The following OR4D10 variants were observed in gnomAD, a reference collection of about 807,000 sequenced individuals.
The protein encoded by OR4D10 is olfactory receptor 4D10.
For synonymous variants in OR4D10, 188 were observed against 153.2 expected (o/e 1.23, Z -1.68); for missense variants, 395 against 378.0 (o/e 1.04, Z -0.37).
intron 2 of OR4D10, among the ~76,000 whole-genome samples, chr11:59,475,104 A>G (rs1389707045): frequency 6.6e-6 from 1 of 151,476 alleles, no homozygotes; most frequent in African/African-American, 2.4e-5. Context: ...ATCAAAGGAC[A>G]TTGTCCCACC....
chr11:59,476,588 C>T (rs1367701506), intron 2 of OR4D10, among the ~76,000 whole-genome samples: 1 of 152,036 alleles, frequency 6.6e-6, no homozygotes, highest in Admixed American at 6.5e-5. Flanking sequence ...CCCTATGTTG[C>T]CTCACTCAAT....
chr11:59,477,002 T>C (rs1464894865), intron 2 of OR4D10, among the ~76,000 whole-genome samples: 1 of 152,092 alleles, frequency 6.6e-6, no homozygotes, highest in Non-Finnish European at 1.5e-5. Context: ...CACTTCTGTC[T>C]TTTGAGAAAG....
At chr11:59,474,518 G>A (rs948305890) in intron 2 of OR4D10, among the ~76,000 whole-genome samples, 3 of 152,148 alleles carry the variant, frequency 2.0e-5, no homozygotes, top group African/African-American at 7.2e-5. Context: ...TATAAACATA[G>A]GCATTATTCG....
chr11:59,475,286 A>T (rs7124468), intron 2 of OR4D10, among the ~76,000 whole-genome samples: 123,754 of 151,940 alleles, frequency 0.81, 52,619 homozygotes, highest in Middle Eastern at 0.95. Flanking sequence ...TCCATTCCAC[A>T]CTTCCTCCCT....
In OR4D10 at chr11:59,477,471, C is replaced by T. The variant is rs137857607; in HGVS notation, c.42C>T (p.Phe14=). 3.1e-3 allele frequency: 5,014 copies of T among 1,601,830 alleles called. 22 individuals are homozygous for T. Among genetic ancestry groups the T allele is most frequent in the Middle Eastern group, 0.017 (105 of 6,002 alleles). Residue 14 remains phenylalanine (F), a synonymous_variant, in exon 3 of 3, where the codon TTC becomes TTT. Transcript: ENST00000530162. ...ENCTRVKEFI[F]LGLTQNREVS... ...GCACCAGGGTAAAAGAATTTATTTT[C>T]CTTGGCCTGACCCAGAATCGGGAAG...
rs771979917 is a variant in OR4D10, at chr11:59,475,060, C to CAA, written c.-169+1282_-169+1283dup. 1.1e-3 allele frequency among the ~76,000 whole-genome samples: 74 copies of CAA among 66,782 alleles called. 2 individuals are homozygous for CAA. The highest frequency in any genetic ancestry group is 3.7e-3 in the African/African-American group (63 of 16,906). 43.8% of individuals were successfully genotyped at this position (66,782 alleles called of 152,430 possible). ...TGGGTGACAGAGTGAGACTCTGTCTCAAAAAAAAAAAAAAAAGGAAAAAGA... is the reference window on the plus strand; with the variant it reads ...TGGGTGACAGAGTGAGACTCTGTCTCAAAAAAAAAAAAAAAAAAGGAAAAAGA... On this transcript the variant is annotated intron_variant, in intron 2 of 2. Transcript: ENST00000530162.
rs1858938306 is a variant in OR4D10, at chr11:59,478,728, A to G, written c.*363A>G. The G allele has an allele frequency of 6.2e-6, 1 of 161,386 alleles. No individual in the cohort carries two copies. The highest frequency in any genetic ancestry group is 1.9e-4 in the South Asian group (1 of 5,226). The allele number at this position is 161,386 out of a possible 1,614,324, so 10.0% of individuals were successfully genotyped here. On this transcript the variant is annotated 3_prime_UTR_variant, in exon 3 of 3. Transcript: ENST00000530162. ...ATAAAATTATATATATACCTAGCAA[A>G]TGCATATTATATATAGTAAATCTTC...
Position 59,478,016 on chromosome 11 carries a change from A to T in OR4D10, c.587A>T (p.Glu196Val). The T allele has an allele frequency of 1.9e-6, 3 of 1,614,062 alleles. No individual in the cohort carries two copies. Among genetic ancestry groups the T allele is most frequent in the Non-Finnish European group, 2.5e-6 (3 of 1,180,012 alleles). ...GCCCATACAGACATTTTCATACTTG[A>T]ACTACTAATGATTTCCAACAATGGA... ...KLAHTDIFIL[E>V]LLMISNNGLL... Residue 196 changes from glutamate (E) to valine (V), a missense_variant, in exon 3 of 3, where the codon GAA (glutamate) becomes GTA (valine). By Grantham distance (121) the Glu-to-Val change is moderately radical. Coordinates refer to ENST00000530162, the MANE Select transcript of OR4D10 (RefSeq NM_001004705.2).
In OR4D10 at chr11:59,477,262, A is replaced by C; in HGVS notation, c.-168A>C. 1 of 501,152 alleles carries C rather than the reference A, an allele frequency of 2.0e-6. No individual in the cohort carries two copies. The highest frequency in any genetic ancestry group is 3.5e-6 in the Non-Finnish European group (1 of 287,618). 31.0% of individuals were successfully genotyped at this position (501,152 alleles called of 1,614,324 possible). On this transcript the variant is annotated splice_region_variant and 5_prime_UTR_variant, in exon 3 of 3. Transcript: ENST00000530162. Reference sequence around the variant, plus strand: ...TATGATAATTTGATTTTATCACCAGACTAACTGAAATCTGAAAAACGTGAA... The same window carrying C: ...TATGATAATTTGATTTTATCACCAGCCTAACTGAAATCTGAAAAACGTGAA...
chr11:59,477,332 G>A lies in OR4D10; in HGVS notation c.-98G>A. On this transcript the variant is annotated 5_prime_UTR_variant, in exon 3 of 3. Coordinates refer to ENST00000530162, the MANE Select transcript of OR4D10 (RefSeq NM_001004705.2). ...AACTACAACCGCATGGGAAGTTTCT[G>A]CACTGCATTCTAGGTGTTTAGGAAG... 1.2e-6 allele frequency: 1 copy of A among 857,622 alleles called. No homozygotes were observed. Among genetic ancestry groups the A allele is most frequent in the Non-Finnish European group, 1.7e-6 (1 of 571,856 alleles). The allele number at this position is 857,622 out of a possible 1,614,324, so 53.1% of individuals were successfully genotyped here.
Position 59,478,180 on chromosome 11 carries a change from T to G in OR4D10, c.751T>G (p.Phe251Val), listed in dbSNP as rs1054581520. 2 of 1,614,102 alleles carry G rather than the reference T, an allele frequency of 1.2e-6. No homozygotes were observed. Among genetic ancestry groups the G allele is most frequent in the South Asian group, 2.2e-5 (2 of 91,080 alleles). Residue 251 changes from phenylalanine to valine, a missense_variant, in exon 3 of 3, where the codon TTC (phenylalanine) becomes GTC (valine). Phe to Val is a conservative substitution (Grantham distance 50, BLOSUM62 -1). Transcript: ENST00000530162. ...TSHITVVTLH[F>V]VPCIYVYARP... The stretch of plus-strand genomic sequence containing the variant: ...CCACATCACTGTGGTGACCCTGCAT[T>G]TCGTGCCCTGCATCTATGTCTATGC...
intron 2 of OR4D10, among the ~76,000 whole-genome samples, chr11:59,475,948 A>G (rs1858901772): frequency 6.6e-6 from 1 of 152,214 alleles, no homozygotes; most frequent in Admixed American, 6.5e-5. Context: ...GGAAGAAACA[A>G]CTGATCAACT....
intron 2 of OR4D10, 107 bp downstream of exon 2, chr11:59,473,900 G>T (rs1184815725): frequency 6.6e-6 from 1 of 152,228 alleles, no homozygotes; most frequent in South Asian, 2.1e-4. Flanking sequence ...GACCCTTTGA[G>T]TTGCTTATGT....
Position 59,476,547 on chromosome 11 carries a change from A to AT in OR4D10, c.-168-707dup, listed in dbSNP as rs59180472. ...AGGTGTATGCCACCACGCATGGCTA[A>AT]TTTTTTTTATTTTTTGTAGTCATAG... On this transcript the variant is annotated intron_variant, in intron 2 of 2. Transcript: ENST00000530162. 2.3e-4 allele frequency among the ~76,000 whole-genome samples: 35 copies of AT among 151,920 alleles called. No individual in the cohort carries two copies. In the South Asian group the frequency reaches 3.8e-3, roughly 16 times the overall value.
In OR4D10 at chr11:59,477,913, C is replaced by T. The variant is rs371192257; in HGVS notation, c.484C>T (p.Leu162=). The T allele has an allele frequency of 1.2e-6, 2 of 1,614,060 alleles. No individual in the cohort carries two copies. Among genetic ancestry groups the T allele is most frequent in the Admixed American group, 1.7e-5 (1 of 60,006 alleles). ...TGTCCACTCCATCGTGCAGATTTCC[C>T]TGTTGCTCCCACTCCCTTTCTGCGG... is the stretch of plus-strand genomic sequence containing the variant. ...GFVHSIVQIS[L]LLPLPFCGPN... is the part of the protein sequence containing the mutation. Residue 162 remains leucine, a synonymous_variant, in exon 3 of 3, where the codon CTG becomes TTG. Transcript: ENST00000530162.
chr11:59,477,940 C>G lies in OR4D10; in HGVS notation c.511C>G (p.Pro171Ala), dbSNP rs1259807991. The change falls in exon 3 of 3, where the codon CCC becomes GCC. Residue 171 changes from proline to alanine, a missense_variant. By Grantham distance (27) the Pro-to-Ala change is conservative. Transcript: ENST00000530162. Reference protein sequence around the residue: ...SLLLPLPFCGPNVLDTFYCDV... With the variant: ...SLLLPLPFCGANVLDTFYCDV... ...GTTGCTCCCACTCCCTTTCTGCGGA[C>G]CCAATGTTCTTGACACTTTCTACTG... 10 of 1,614,162 alleles carry G rather than the reference C, an allele frequency of 6.2e-6. No individual in the cohort carries two copies. In the South Asian group the frequency reaches 1.1e-4, roughly 18 times the overall value.
intron 2 of OR4D10, among the ~76,000 whole-genome samples, chr11:59,476,783 A>G (rs968638211): frequency 2.6e-5 from 4 of 151,968 alleles, no homozygotes; most frequent in African/African-American, 4.8e-5. Context: ...AAGCTCCCCA[A>G]TCCAGAGCTC....
chr11:59,478,067 T>C lies in OR4D10; in HGVS notation c.638T>C (p.Leu213Pro), dbSNP rs1305159955. The C allele has an allele frequency of 3.1e-6, 5 of 1,614,234 alleles. No homozygotes were observed. The South Asian group carries it at 5.5e-5, about 18-fold the overall frequency. The change falls in exon 3 of 3, where the codon CTG becomes CCG. Residue 213 changes from leucine to proline, a missense_variant. Coordinates refer to ENST00000530162, the MANE Select transcript of OR4D10 (RefSeq NM_001004705.2). ...CTGCTCACCACACTGTGGTTTTTCC[T>C]GCTCCTGGTGTCCTACATAGTCATA... is the stretch of plus-strand genomic sequence containing the variant. The part of the protein sequence containing the change: ...NGLLTTLWFF[L>P]LLVSYIVILS...
intron 2 of OR4D10, among the ~76,000 whole-genome samples, chr11:59,474,945 C>A (rs1858885994): frequency 6.6e-6 from 1 of 151,058 alleles, no homozygotes; most frequent in Non-Finnish European, 1.5e-5. Flanking sequence ...CCAGTAGTCC[C>A]AGGTACTAGG....
Sources: gnomAD v4.1 joint callset for allele counts (sites outside exome capture counted in the v4.1 genomes callset) on GRCh38, gnomAD v4.1.1 for gene constraint, MANE v1.5 for transcripts, NCBI Gene and HGNC (gene_info 2026-07-23, HGNC 2026-07-21) for gene names.